Variants in GPR149 observed in about 807,000 individuals in gnomAD.
The protein encoded by GPR149 is G protein-coupled receptor 149.
A neutral mutation model predicts 50.2 loss-of-function variants in GPR149; 50 were observed. The ratio of observed to expected loss-of-function variants is 1.00; its 90% CI spans 0.79 to 1.26. GPR149 has a LOEUF of 1.26. GPR149 is among the 50% of genes most tolerant of loss of function. The pLI, the probability that GPR149 is intolerant of heterozygous loss-of-function variation, is 0.00. For synonymous variants in GPR149, 405 were observed against 358.2 expected, an observed-to-expected ratio of 1.13 and a Z score of -1.48; for missense variants, 983 against 895.4, an observed-to-expected ratio of 1.10 and a Z score of -1.25.
At chr3:154,406,658 A>G (rs1403977809) in intron 3 of GPR149, among the ~76,000 whole-genome samples, 1 of 152,214 alleles carries the variant, frequency 6.6e-6, no homozygotes, top group Non-Finnish European at 1.5e-5. Flanking sequence ...TACGTGTAAG[A>G]AAAGAGGGGA....
Position 154,429,035 on chromosome 3 carries a change from A to G in GPR149, c.581T>C (p.Leu194Pro). The G allele has an allele frequency of 2.5e-6, 4 of 1,613,982 alleles. No individual in the cohort carries two copies. The highest frequency in any genetic ancestry group is 3.4e-6 in the Non-Finnish European group (4 of 1,180,010). Reference protein sequence around the residue: ...VDCSSSYVLFLSIVYALAFGL... With the variant: ...VDCSSSYVLFPSIVYALAFGL... The stretch of plus-strand genomic sequence containing the variant: ...GAAGGCCAAAGCGTACACGATAGAG[A>G]GGAATAGTACGTAGGAGCTGGAGCA... Residue 194 changes from leucine to proline, a missense_variant, in exon 1 of 4, where the codon CTC becomes CCC. Transcript: ENST00000389740.
intron 3 of GPR149, among the ~76,000 whole-genome samples, chr3:154,399,039 A>G (rs77288062): frequency 0.039 from 6,009 of 152,298 alleles, 146 homozygotes; most frequent in Middle Eastern, 0.061. Context: ...TATTCAGTCT[A>G]AGATGTTCAT....
At chr3:154,363,175 C>T (rs558962201) in intron 3 of GPR149, among the ~76,000 whole-genome samples, 1 of 152,148 alleles carries the variant, frequency 6.6e-6, no homozygotes, top group Non-Finnish European at 1.5e-5. Flanking sequence ...TAACCTTGTC[C>T]TTAAGGCGAA....
At chr3:154,355,047 A>G (rs1714186162) in intron 3 of GPR149, among the ~76,000 whole-genome samples, 2 of 152,130 alleles carry the variant, frequency 1.3e-5, no homozygotes, top group Admixed American at 1.3e-4. Flanking sequence ...ATTTATTTAG[A>G]GTTGGAGTCT....
At chr3:154,352,976 G>C in intron 3 of GPR149, 1 of 1,066,034 alleles carries the variant, frequency 9.4e-7, no homozygotes, top group Non-Finnish European at 1.5e-6. Context: ...CTTCAGGAAT[G>C]TGCAAACTAT....
In GPR149 at chr3:154,354,198, A is replaced by C. The variant is rs1405586753; in HGVS notation, c.1624-15927T>G. The stretch of plus-strand genomic sequence containing the variant: ...ATAACAACATTTTCTCTTGTTTTTG[A>C]TTTCTCATCTGGGTCATAATGGTGC... On this transcript the variant is annotated intron_variant, in intron 3 of 3. Transcript: ENST00000389740. 1.2e-5 allele frequency: 6 copies of C among 493,844 alleles called. No homozygotes were observed. The East Asian group carries it at 3.4e-4, about 28-fold the overall frequency. The allele number at this position is 493,844 out of a possible 1,614,324, so 30.6% of individuals were successfully genotyped here.
intron 3 of GPR149, among the ~76,000 whole-genome samples, chr3:154,368,192 G>A (rs996367296): frequency 1.3e-5 from 2 of 152,244 alleles, no homozygotes; most frequent in Admixed American, 1.3e-4. Context: ...TACTGAGCGT[G>A]AGACCACCAC....
chr3:154,411,600 G>T (rs1281516429), intron 3 of GPR149, among the ~76,000 whole-genome samples: 1 of 152,012 alleles, frequency 6.6e-6, no homozygotes, highest in Admixed American at 6.6e-5. Context: ...ATAACCTAGA[G>T]GAGATGAATA....
At chr3:154,411,957 A>G (rs1711846498) in intron 3 of GPR149, among the ~76,000 whole-genome samples, 1 of 152,182 alleles carries the variant, frequency 6.6e-6, no homozygotes, top group Admixed American at 6.6e-5. Flanking sequence ...TCAACAAAAT[A>G]CTAGCTAACT....
intron 3 of GPR149, among the ~76,000 whole-genome samples, chr3:154,390,781 A>C (rs1715150256): frequency 6.6e-6 from 1 of 152,094 alleles, no homozygotes; most frequent in East Asian, 1.9e-4. Context: ...TGAACTGACA[A>C]AATTTGAAGA....
chr3:154,428,878 C>T lies in GPR149; in HGVS notation c.738G>A (p.Gly246=), dbSNP rs766055573. ...ASIPGTPPTA[G]RVVSLSPEDA... ...CCTCTGGGGACAGGGAAACCACTCTCCCCGCAGTAGGAGGGGTCCCAGGAA... is the reference window on the plus strand; with the variant it reads ...CCTCTGGGGACAGGGAAACCACTCTTCCCGCAGTAGGAGGGGTCCCAGGAA... The change falls in exon 1 of 4, where the codon GGG becomes GGA. Residue 246 remains glycine, a synonymous_variant. Coordinates refer to ENST00000389740, the MANE Select transcript of GPR149 (RefSeq NM_001038705.3). 1 of 1,614,016 alleles carries T rather than the reference C, an allele frequency of 6.2e-7. No homozygotes were observed. Among genetic ancestry groups the T allele is most frequent in the Admixed American group, 1.7e-5 (1 of 60,026 alleles).
chr3:154,365,988 C>T (rs1395688195), intron 3 of GPR149, among the ~76,000 whole-genome samples: 4 of 152,194 alleles, frequency 2.6e-5, no homozygotes, highest in African/African-American at 9.7e-5. Context: ...ACTGGTCAAG[C>T]CTCTACCCAT....
chr3:154,407,092 C>G (rs571378787), intron 3 of GPR149, among the ~76,000 whole-genome samples: 1 of 151,988 alleles, frequency 6.6e-6, no homozygotes, highest in African/African-American at 2.4e-5. Flanking sequence ...GAAACCACCC[C>G]TCATGATTCA....
At chr3:154,380,788 C>G (rs771217199) in intron 3 of GPR149, among the ~76,000 whole-genome samples, 4 of 152,132 alleles carry the variant, frequency 2.6e-5, no homozygotes, top group Admixed American at 6.5e-5. Flanking sequence ...CAAGCAAATT[C>G]AAGCTCAGTA....
chr3:154,408,537 G>A (rs1588900), intron 3 of GPR149, among the ~76,000 whole-genome samples: 1 of 152,114 alleles, frequency 6.6e-6, no homozygotes, highest in Non-Finnish European at 1.5e-5. Flanking sequence ...TGGGAGAGGG[G>A]TGAGGCCTGT....
At chr3:154,377,409 C>T (rs1330333940) in intron 3 of GPR149, among the ~76,000 whole-genome samples, 2 of 150,164 alleles carry the variant, frequency 1.3e-5, no homozygotes, top group Non-Finnish European at 1.5e-5. Flanking sequence ...TTCTGTCACC[C>T]AGGCTGGAGT....
chr3:154,406,521 T>C (rs560055862), intron 3 of GPR149, among the ~76,000 whole-genome samples: 43 of 152,276 alleles, frequency 2.8e-4, no homozygotes, highest in African/African-American at 9.6e-4. Flanking sequence ...AGCTACAGAG[T>C]AGTTAAATTG....
intron 3 of GPR149, among the ~76,000 whole-genome samples, chr3:154,384,361 C>T (rs1715001955): frequency 6.6e-6 from 1 of 152,146 alleles, no homozygotes; most frequent in Admixed American, 6.5e-5. Flanking sequence ...TCAGTAACTG[C>T]ACCAATAATC....
chr3:154,355,559 A>G (rs1435465218), intron 3 of GPR149, among the ~76,000 whole-genome samples: 1 of 152,244 alleles, frequency 6.6e-6, no homozygotes, highest in Non-Finnish European at 1.5e-5. Flanking sequence ...CAGATATGAT[A>G]TGTATCCAAA....
Sources: allele counts gnomAD v4.1 joint callset (sites outside exome capture counted in the v4.1 genomes callset), GRCh38; gene constraint gnomAD v4.1.1; transcripts MANE v1.5; gene names NCBI Gene and HGNC (gene_info 2026-07-23, HGNC 2026-07-21).